The following SH3D19 variants were observed in gnomAD, a reference collection of about 807,000 sequenced individuals.
SH3D19 encodes SH3 domain containing 19.
SH3D19 carries 58 observed loss-of-function variants against 112.1 expected under a neutral mutation model. That is an observed-to-expected ratio of 0.52 (90% CI 0.42 to 0.64). The LOEUF (loss-of-function observed/expected upper bound fraction) is 0.64. SH3D19 is among the 30% of genes least tolerant of loss of function. The probability of loss-of-function intolerance (pLI) is 0.00; values close to 1 mark genes in which losing one functional copy is unlikely to be tolerated. For missense variants in SH3D19, 1,090 were observed against 1,263.4 expected (o/e 0.86, Z 2.08); for synonymous variants, 391 against 448.5 (o/e 0.87, Z 1.62).
chr4:151,165,843 C>CA, intron 7 of SH3D19, 147 bp from the exon 8 acceptor site: 1 of 631,444 alleles, frequency 1.6e-6, no homozygotes, highest in Non-Finnish European at 2.7e-6. Context: ...GAGACAAAAA[C>CA]AAAGTTGGAG....
At chr4:151,163,871 C>T (rs576198943) in intron 8 of SH3D19, among the ~76,000 whole-genome samples, 5 of 152,272 alleles carry the variant, frequency 3.3e-5, no homozygotes, top group African/African-American at 1.2e-4. Flanking sequence ...GTGTGAGCCA[C>T]CATGGCTGGC....
chr4:151,182,663 G>C (rs975944988), intron 3 of SH3D19, among the ~76,000 whole-genome samples: 4 of 152,132 alleles, frequency 2.6e-5, no homozygotes, highest in African/African-American at 9.7e-5. Flanking sequence ...TGGAAAAACT[G>C]ACACCTTCTG....
At chr4:151,237,999 TC>T (rs1770261727) in intron 1 of SH3D19, among the ~76,000 whole-genome samples, 1 of 152,160 alleles carries the variant, frequency 6.6e-6, no homozygotes. Context: ...ATTTTCATTT[TC>T]CCACTGTAGC....
intron 3 of SH3D19, among the ~76,000 whole-genome samples, chr4:151,186,641 T>C (rs1761825788): frequency 6.6e-6 from 1 of 151,392 alleles, no homozygotes; most frequent in Non-Finnish European, 1.5e-5. Context: ...ACCATGTTGG[T>C]TGGGCTGGTC....
intron 2 of SH3D19, among the ~76,000 whole-genome samples, chr4:151,196,816 T>C (rs958047366): frequency 6.6e-6 from 1 of 151,728 alleles, no homozygotes; most frequent in African/African-American, 2.4e-5. Flanking sequence ...AACAATCCCA[T>C]CAAAAATTAG....
At chr4:151,188,478 T>G (rs552974965) in intron 2 of SH3D19, among the ~76,000 whole-genome samples, 1 of 152,240 alleles carries the variant, frequency 6.6e-6, no homozygotes, top group Non-Finnish European at 1.5e-5. Flanking sequence ...ACCAGTTAAG[T>G]ATCCCTAATC....
At chr4:151,282,719 G>A (rs1008514816) in intron 1 of SH3D19, among the ~76,000 whole-genome samples, 1 of 152,146 alleles carries the variant, frequency 6.6e-6, no homozygotes, top group Admixed American at 6.5e-5. Context: ...AGCGTCTAGT[G>A]TTTTTTAACT....
At position 151,325,401 on chromosome 4, in the gene SH3D19, C is replaced by G. The variant is rs546986306; in HGVS notation, c.-49G>C. 9.7e-7 allele frequency: 1 copy of G among 1,031,884 alleles called. No individual in the cohort carries two copies. The highest frequency in any genetic ancestry group is 1.2e-6 in the Non-Finnish European group (1 of 817,472). 63.9% of individuals were successfully genotyped at this position (1,031,884 alleles called of 1,614,324 possible). A position where few individuals can be genotyped will look rare whatever the true frequency, so the allele number is the denominator to read the frequency against. On this transcript the variant is annotated 5_prime_UTR_variant, in exon 1 of 20. Transcript: ENST00000604030. ...CGGGATGGCCAGCGAGCTGCGGCCC[C>G]GGCGCCCCAGAACGCCTGCACCCGG... is the stretch of plus-strand genomic sequence containing the variant.
chr4:151,215,359 T>G (rs144075805), intron 2 of SH3D19, among the ~76,000 whole-genome samples: 2,781 of 152,356 alleles, frequency 0.018, 74 homozygotes, highest in African/African-American at 0.061. Context: ...CATTCCTTGA[T>G]AGCATCCCTG....
chr4:151,127,726 A>G lies in SH3D19; in HGVS notation c.2930-11T>C, dbSNP rs769838279. On this transcript the variant is annotated splice_polypyrimidine_tract_variant and intron_variant, in intron 18 of 19. Transcript: ENST00000604030. ...TACTTTTTGCCTCAGCTGTGAAGAC[A>G]TAAAAAATTTAAATATATAGAAACA... The G allele has an allele frequency of 2.6e-6, 4 of 1,540,158 alleles. No homozygotes were observed. Among genetic ancestry groups the G allele is most frequent in the Admixed American group, 2.2e-5 (1 of 45,190 alleles).
intron 1 of SH3D19, among the ~76,000 whole-genome samples, chr4:151,292,161 T>C (rs1039454852): frequency 6.6e-6 from 1 of 152,068 alleles, no homozygotes; most frequent in African/African-American, 2.4e-5. Flanking sequence ...TAGCCAAGAA[T>C]GGTGGCATGT....
chr4:151,132,411 GA>G (rs1172003503), intron 16 of SH3D19, 28 bp from the exon 17 acceptor site: 1 of 1,605,446 alleles, frequency 6.2e-7, no homozygotes, highest in Non-Finnish European at 8.5e-7. Flanking sequence ...ACAAACACAA[GA>G]AGTCAGAACA....
intron 3 of SH3D19, chr4:151,181,553 G>A (rs1760950388): frequency 6.6e-6 from 1 of 152,150 alleles, no homozygotes; most frequent in South Asian, 2.1e-4. Context: ...TGCATGGTGT[G>A]TCTGATTTGT....
At chr4:151,166,275 T>C (rs1437162936) in intron 7 of SH3D19, 1 of 152,236 alleles carries the variant, frequency 6.6e-6, no homozygotes, top group Non-Finnish European at 1.5e-5. Context: ...AAATATTTAA[T>C]TTTGGGGGAA....
chr4:151,189,572 C>T (rs1762316725), intron 2 of SH3D19, among the ~76,000 whole-genome samples: 1 of 151,976 alleles, frequency 6.6e-6, no homozygotes. Context: ...GTTCTCACGA[C>T]AGTGAATAAG....
chr4:151,280,887 T>C (rs1774158671), intron 1 of SH3D19, among the ~76,000 whole-genome samples: 1 of 152,118 alleles, frequency 6.6e-6, no homozygotes, highest in Admixed American at 6.6e-5. Context: ...ATTCTACCCA[T>C]ATGCAAACTA....
intron 6 of SH3D19, 154 bp from the exon 7 acceptor site, chr4:151,175,828 A>C: frequency 1.5e-6 from 1 of 656,270 alleles, no homozygotes; most frequent in Non-Finnish European, 2.2e-6. Context: ...GTGATTCAAA[A>C]ATGGAAATGT....
At chr4:151,153,197 T>C (rs1461103919) in intron 9 of SH3D19, among the ~76,000 whole-genome samples, 1 of 152,196 alleles carries the variant, frequency 6.6e-6, no homozygotes, top group Non-Finnish European at 1.5e-5. Flanking sequence ...CTGGAATTAC[T>C]GAGTGGCCTC....
chr4:151,190,620 T>C (rs1232879642), intron 2 of SH3D19, among the ~76,000 whole-genome samples: 1 of 152,190 alleles, frequency 6.6e-6, no homozygotes, highest in African/African-American at 2.4e-5. Context: ...AGCTTCCATG[T>C]GGTGTTGAGC....
Sources: gnomAD v4.1 joint callset for allele counts (sites outside exome capture counted in the v4.1 genomes callset) on GRCh38, gnomAD v4.1.1 for gene constraint, MANE v1.5 for transcripts, NCBI Gene and HGNC (gene_info 2026-07-23, HGNC 2026-07-21) for gene names.